KMT2E: variants seen among roughly 807,000 people sequenced by gnomAD.
KMT2E encodes lysine methyltransferase 2E (inactive).
KMT2E carries 30 observed loss-of-function variants against 184.6 expected under a neutral mutation model. That is an observed-to-expected ratio of 0.16 (90% CI 0.12 to 0.22). KMT2E has a LOEUF of 0.22. Among genes scored for constraint, KMT2E ranks in the 10% least tolerant of loss-of-function variants. The probability of loss-of-function intolerance (pLI) is 1.00; values close to 1 mark genes in which losing one functional copy is unlikely to be tolerated. For synonymous variants in KMT2E, 815 were observed against 776.5 expected (o/e 1.05, Z -0.82); for missense variants, 2,023 against 2,237.4 (o/e 0.90, Z 1.93).
At chr7:105,078,659 T>C (rs1176243787) in intron 11 of KMT2E, among the ~76,000 whole-genome samples, 187 bp from the exon 12 acceptor site, 2 of 8,092 alleles carry the variant, frequency 2.5e-4, no homozygotes, top group Non-Finnish European at 4.1e-4. Flanking sequence ...TGCCTGGCCT[T>C]TTTTTTTTTT....
rs1055257841 is a variant in KMT2E, at chr7:105,043,483, G to A, written c.71+2460G>A. Among the ~76,000 whole-genome samples the A allele has an allele frequency of 8.6e-5, 13 of 151,864 alleles. No individual in the cohort carries two copies. The East Asian group carries it at 9.6e-4, about 11-fold the overall frequency. ...GATCTCCTGACCTCGTGATCCACCC[G>A]CCTCGGCCTCCCAAAGTGCTGGGAT... On this transcript the variant is annotated intron_variant, in intron 3 of 26. Coordinates refer to ENST00000311117, the MANE Select transcript of KMT2E (RefSeq NM_182931.3).
chr7:105,107,314 C>T (rs753058224), intron 21 of KMT2E, 48 bp from the exon 22 acceptor site: 3 of 1,520,976 alleles, frequency 2.0e-6, no homozygotes, highest in Admixed American at 4.3e-5. Flanking sequence ...AATAAACAGT[C>T]CCAAGATGTG....
intron 20 of KMT2E, 65 bp from the exon 21 acceptor site, chr7:105,107,101 A>G (rs548900109): frequency 4.0e-5 from 35 of 879,532 alleles, no homozygotes; most frequent in African/African-American, 8.7e-5. Context: ...TTTCATTTCT[A>G]TAATTATTAT....
intron 3 of KMT2E, among the ~76,000 whole-genome samples, chr7:105,058,107 G>C (rs755808063): frequency 6.6e-6 from 1 of 152,196 alleles, no homozygotes; most frequent in African/African-American, 2.4e-5. Flanking sequence ...TAACATTCTG[G>C]AGTTGGCTGA....
At chr7:105,105,326 A>C in intron 17 of KMT2E, 113 bp from the exon 18 acceptor site, 1 of 733,482 alleles carries the variant, frequency 1.4e-6, no homozygotes, top group East Asian at 2.8e-5. Context: ...AATGATTTAA[A>C]TTACCCAATT....
In KMT2E at chr7:105,114,036, T is replaced by C. The variant is rs1265427015; in HGVS notation, c.*703T>C. On this transcript the variant is annotated 3_prime_UTR_variant, in exon 27 of 27. Coordinates refer to ENST00000311117, the MANE Select transcript of KMT2E (RefSeq NM_182931.3). ...TAAATATACTGTCACACTGAAGCAC[T>C]GGTTGGGCATTTTAATTCATGTTAA... The C allele has an allele frequency of 6.6e-6, 1 of 152,644 alleles. No individual in the cohort carries two copies. Among genetic ancestry groups the C allele is most frequent in the Non-Finnish European group, 1.5e-5 (1 of 68,062 alleles). 9.5% of individuals were successfully genotyped at this position (152,644 alleles called of 1,614,324 possible).
chr7:105,092,422 T>C (rs1798244554), intron 15 of KMT2E, among the ~76,000 whole-genome samples: 1 of 152,074 alleles, frequency 6.6e-6, no homozygotes, highest in African/African-American at 2.4e-5. Context: ...AGTTTGGTCA[T>C]TGTTGACCTA....
chr7:105,022,375 C>T (rs925935874), intron 1 of KMT2E, among the ~76,000 whole-genome samples: 17 of 151,538 alleles, frequency 1.1e-4, no homozygotes, highest in Admixed American at 9.9e-4. Flanking sequence ...ATATATTGCT[C>T]CTCAGTTTGG....
At chr7:105,017,471 A>T (rs985967676) in intron 1 of KMT2E, among the ~76,000 whole-genome samples, 2 of 128,524 alleles carry the variant, frequency 1.6e-5, no homozygotes, top group Non-Finnish European at 3.4e-5. Flanking sequence ...GTAAAATGAT[A>T]CTGGCTTTTT....
Position 105,014,275 on chromosome 7 carries a change from G to A in KMT2E, c.-449G>A. On this transcript the variant is annotated 5_prime_UTR_variant, in exon 1 of 27. Coordinates refer to ENST00000311117, the MANE Select transcript of KMT2E (RefSeq NM_182931.3). ...GAGACCGTGCCGGAGTTCGGGAGCGGCAACAGAGTGGGCATAGACACTCCG... is the reference window on the plus strand; with the variant it reads ...GAGACCGTGCCGGAGTTCGGGAGCGACAACAGAGTGGGCATAGACACTCCG... 1 of 171,710 alleles carries A rather than the reference G, an allele frequency of 5.8e-6. No individual in the cohort carries two copies. Among genetic ancestry groups the A allele is most frequent in the Non-Finnish European group, 1.2e-5 (1 of 81,876 alleles). 10.6% of individuals were successfully genotyped at this position (171,710 alleles called of 1,614,324 possible).
At position 105,107,732 on chromosome 7, in the gene KMT2E, A is replaced by G; in HGVS notation, c.3275A>G (p.Gln1092Arg). ...SNLRDLTPSH[Q>R]LEVGGGFRIS... ...TTGAGGGACCTGACACCCTCGCATC[A>G]GTTGGAGGTTGGAGGAGGCTTCCGA... The change falls in exon 22 of 27, where the codon CAG (glutamine) becomes CGG (arginine). Residue 1092 changes from glutamine (Q) to arginine (R), a missense_variant. Coordinates refer to ENST00000311117, the MANE Select transcript of KMT2E (RefSeq NM_182931.3). The G allele has an allele frequency of 6.2e-7, 1 of 1,614,154 alleles. No individual in the cohort carries two copies. The highest frequency in any genetic ancestry group is 8.5e-7 in the Non-Finnish European group (1 of 1,180,028).
chr7:105,106,284 G>T (rs988414853), intron 19 of KMT2E, among the ~76,000 whole-genome samples: 1 of 152,156 alleles, frequency 6.6e-6, no homozygotes, highest in Non-Finnish European at 1.5e-5. Flanking sequence ...GTACTTGTAA[G>T]ATACTTTGAG....
chr7:105,106,909 A>C (rs954056542), intron 20 of KMT2E, 137 bp downstream of exon 20: 28 of 893,420 alleles, frequency 3.1e-5, no homozygotes, highest in Non-Finnish European at 4.0e-5. Context: ...AAATCAGAAA[A>C]ATTCATTTAT....
At chr7:105,063,670 G>T in intron 5 of KMT2E, 90 bp downstream of exon 5, 2 of 808,736 alleles carry the variant, frequency 2.5e-6, no homozygotes, top group South Asian at 1.9e-5. Flanking sequence ...ACTTTCAAGG[G>T]AATTAATGGA....
rs375257008 is a variant in KMT2E, at chr7:105,069,156, C to T, written c.497+2349C>T. On this transcript the variant is annotated intron_variant, in intron 6 of 26. Transcript: ENST00000311117. ...ACCAGAATTGGAGAGCTAGTCATGC[C>T]CTTTCCTACTAGATTGGTCACTGTT... Among the ~76,000 whole-genome samples the T allele has an allele frequency of 1.2e-4, 18 of 152,196 alleles. No individual in the cohort carries two copies. In the East Asian group the frequency reaches 3.3e-3, roughly 28 times the overall value.
chr7:105,029,921 AAGG>A (rs911725800), intron 1 of KMT2E, among the ~76,000 whole-genome samples: 3 of 152,170 alleles, frequency 2.0e-5, no homozygotes, highest in Admixed American at 1.3e-4. Context: ...CATTTAAAGG[AAGG>A]AGGAGAGATT....
intron 12 of KMT2E, among the ~76,000 whole-genome samples, chr7:105,079,439 A>G (rs760801540): frequency 1.6e-4 from 24 of 147,344 alleles, no homozygotes; most frequent in Non-Finnish European, 3.0e-4. Flanking sequence ...CCTGGCCGCT[A>G]TGAAGTCTTA....
Position 105,066,712 on chromosome 7 carries a change from T to C in KMT2E, c.417-15T>C, listed in dbSNP as rs753692555. On this transcript the variant is annotated splice_polypyrimidine_tract_variant and intron_variant, in intron 5 of 26. Coordinates refer to ENST00000311117, the MANE Select transcript of KMT2E (RefSeq NM_182931.3). ...TTAAATAATATTACATATGTTCTGCTTTTTTTTTTTTAAGCGTTTGGCAAC... is the reference window on the plus strand; with the variant it reads ...TTAAATAATATTACATATGTTCTGCCTTTTTTTTTTTAAGCGTTTGGCAAC... 6.8e-6 allele frequency: 3 copies of C among 438,270 alleles called. No homozygotes were observed. Among genetic ancestry groups the C allele is most frequent in the South Asian group, 5.5e-5 (1 of 18,056 alleles). 27.1% of individuals were successfully genotyped at this position (438,270 alleles called of 1,614,324 possible).
chr7:105,075,411 A>G (rs1797486844), intron 8 of KMT2E, among the ~76,000 whole-genome samples: 1 of 152,168 alleles, frequency 6.6e-6, no homozygotes, highest in Non-Finnish European at 1.5e-5. Flanking sequence ...GAGTAAATAC[A>G]GCTCTGTTTA....
Sources: gnomAD v4.1 joint callset for allele counts (sites outside exome capture counted in the v4.1 genomes callset) on GRCh38, gnomAD v4.1.1 for gene constraint, MANE v1.5 for transcripts, NCBI Gene and HGNC (gene_info 2026-07-23, HGNC 2026-07-21) for gene names.